The following PFKFB3 variants were observed in gnomAD, a reference collection of about 807,000 sequenced individuals.
PFKFB3 encodes 6-phosphofructo-2-kinase/fructose-2,6-bisphosphatase 3.
A neutral mutation model predicts 68.0 loss-of-function variants in PFKFB3; 33 were observed. That is an observed-to-expected ratio of 0.49 (90% CI 0.37 to 0.65). PFKFB3 has a LOEUF of 0.65. Ranked by LOEUF, PFKFB3 falls within the 30% of genes least tolerant of loss-of-function variation. PFKFB3 has a pLI of 0.00. For synonymous variants in PFKFB3, 315 were observed against 288.2 expected, an observed-to-expected ratio of 1.09 and a Z score of -0.94; for missense variants, 586 against 712.2, an observed-to-expected ratio of 0.82 and a Z score of 2.02.
At chr10:6,265,047 GT>G in the PFKFB3 span, among the ~76,000 whole-genome samples, 1 of 149,424 alleles carries the variant, frequency 6.7e-6, no homozygotes, top group African/African-American at 2.5e-5. Flanking sequence ...ATTTGTGTTA[GT>G]TTTCTTTAAC....
chr10:6,317,625 C>T, the PFKFB3 span, among the ~76,000 whole-genome samples: 3 of 152,084 alleles, frequency 2.0e-5, no homozygotes, highest in African/African-American at 4.8e-5. Context: ...GATGGGCTAT[C>T]GTAGCAGGAA....
chr10:6,145,854 C>CG (rs1588370148), intron 1 of PFKFB3, among the ~76,000 whole-genome samples: 1 of 152,202 alleles, frequency 6.6e-6, no homozygotes, highest in Admixed American at 6.5e-5. Context: ...CTACCCGCAC[C>CG]GGGGGGTCCC....
the PFKFB3 span, among the ~76,000 whole-genome samples, chr10:6,322,979 A>G: frequency 6.6e-6 from 1 of 152,232 alleles, no homozygotes; most frequent in Non-Finnish European, 1.5e-5. Context: ...TTGCATCCCC[A>G]GGACCTAAGA....
At chr10:6,226,056 C>T (rs529607790) in intron 13 of PFKFB3, 136 bp from the exon 14 acceptor site, 75 of 724,334 alleles carry the variant, frequency 1.0e-4, no homozygotes, top group South Asian at 6.8e-4. Flanking sequence ...GTCCCTGGCC[C>T]GTGGTCCCGG....
At chr10:6,194,425 G>C (rs775394312) in intron 1 of PFKFB3, among the ~76,000 whole-genome samples, 15 of 152,184 alleles carry the variant, frequency 9.9e-5, no homozygotes, top group Non-Finnish European at 1.6e-4. Context: ...GTCTAGGAGC[G>C]GGCTCCTTAG....
At chr10:6,261,841 A>G in the PFKFB3 span, among the ~76,000 whole-genome samples, 1 of 152,110 alleles carries the variant, frequency 6.6e-6, no homozygotes, top group Admixed American at 6.5e-5. Context: ...CTAAAAATAC[A>G]AAAATTAGCC....
chr10:6,155,289 G>A (rs866625413), intron 1 of PFKFB3, among the ~76,000 whole-genome samples: 14 of 146,610 alleles, frequency 9.5e-5, no homozygotes, highest in Middle Eastern at 3.6e-3. Context: ...TGCAAGCTCC[G>A]CCTCCCGGGT....
At chr10:6,224,266 TGG>T in intron 13 of PFKFB3, 53 bp downstream of exon 13, 1 of 1,571,894 alleles carries the variant, frequency 6.4e-7, no homozygotes, top group Non-Finnish European at 8.7e-7. Context: ...ATAGCCCTAG[TGG>T]GTGATGGGCG....
At position 6,233,745 on chromosome 10, in the gene PFKFB3, C is replaced by G. The variant is rs1845881107; in HGVS notation, c.*803C>G. The stretch of plus-strand genomic sequence containing the variant: ...AGAAACACTTTCCTGGAGCTGCTGG[C>G]TTTTGCACTTTTTTGATGGCAGAAG... On this transcript the variant is annotated 3_prime_UTR_variant, in exon 15 of 15. Coordinates refer to ENST00000379775, the MANE Select transcript of PFKFB3 (RefSeq NM_004566.4). The G allele has an allele frequency of 6.5e-6, 1 of 152,924 alleles. No individual in the cohort carries two copies. Among genetic ancestry groups the G allele is most frequent in the African/African-American group, 2.4e-5 (1 of 41,480 alleles). The allele number at this position is 152,924 out of a possible 1,614,324, so 9.5% of individuals were successfully genotyped here. A position where few individuals can be genotyped will look rare whatever the true frequency, so the allele number is the denominator to read the frequency against.
intron 1 of PFKFB3, among the ~76,000 whole-genome samples, chr10:6,182,844 G>GGCTGAGCCTCTGCCAGACAGAGC (rs1842757126): frequency 6.6e-6 from 1 of 152,204 alleles, no homozygotes; most frequent in African/African-American, 2.4e-5. Context: ...GAGGGCAGAG[G>GGCTGAGCCTCTGCCAGACAGAGC]GCTGAGCCTC....
rs566846187 is a variant in PFKFB3 at position 6,177,674 on chromosome 10, C to T, written c.16+32661C>T. ...ACAAGTAGCTGGGATTACAGGTGCC[C>T]GCCACCATGCTGAGCTAATTTTGTT... is the stretch of plus-strand genomic sequence containing the variant. On this transcript the variant is annotated intron_variant, in intron 1 of 14. Transcript: ENST00000379789. Among the ~76,000 whole-genome samples the T allele has an allele frequency of 9.9e-5, 15 of 151,326 alleles. No homozygotes were observed. The South Asian group carries it at 1.0e-3, about 11-fold the overall frequency.
chr10:6,173,648 G>C lies in PFKFB3; in HGVS notation c.16+28635G>C, dbSNP rs11257073. 3.4e-3 allele frequency among the ~76,000 whole-genome samples: 520 copies of C among 152,158 alleles called. 1 individual carries two copies. The highest frequency in any genetic ancestry group is 6.0e-3 in the Non-Finnish European group (406 of 68,012). On this transcript the variant is annotated intron_variant, in intron 1 of 14. Transcript: ENST00000379789. Reference sequence around the variant, plus strand: ...AGAGGGAATAGACAGAGGCAAAGGGGGTTTCTGGGTCTCCAGAGATCTGGG... The same window carrying C: ...AGAGGGAATAGACAGAGGCAAAGGGCGTTTCTGGGTCTCCAGAGATCTGGG...
At chr10:6,182,992 C>T (rs920603315) in intron 1 of PFKFB3, among the ~76,000 whole-genome samples, 28 of 152,154 alleles carry the variant, frequency 1.8e-4, no homozygotes, top group African/African-American at 3.6e-4. Context: ...GTGCCCAGCA[C>T]GGTCCCTGGC....
the PFKFB3 span, chr10:6,293,462 C>T: frequency 1.0e-4 from 22 of 215,068 alleles, no homozygotes; most frequent in Non-Finnish European, 1.8e-4. Context: ...TTTCCTGCCT[C>T]AGCCTCCTGA....
chr10:6,219,816 T>C, intron 7 of PFKFB3, 123 bp downstream of exon 7: 1 of 974,240 alleles, frequency 1.0e-6, no homozygotes, highest in Non-Finnish European at 1.5e-6. Context: ...ACAGTTTTTT[T>C]TGTAGAGATG....
chr10:6,187,854 A>G (rs1054499758), intron 1 of PFKFB3, among the ~76,000 whole-genome samples: 4 of 152,106 alleles, frequency 2.6e-5, no homozygotes, highest in Non-Finnish European at 4.4e-5. Flanking sequence ...CTTAATAGAA[A>G]AGTTGCAGAA....
chr10:6,186,694 T>C (rs988763718), intron 1 of PFKFB3, among the ~76,000 whole-genome samples: 7 of 152,154 alleles, frequency 4.6e-5, no homozygotes, highest in African/African-American at 1.7e-4. Flanking sequence ...GATGGGGTCT[T>C]GCTATGCTGC....
chr10:6,196,570 G>A (rs1283292546), intron 1 of PFKFB3, among the ~76,000 whole-genome samples: 1 of 152,176 alleles, frequency 6.6e-6, no homozygotes, highest in African/African-American at 2.4e-5. Context: ...GGAGTCTGAT[G>A]TTTGAGGGCA....
At position 6,203,226 on chromosome 10, in the gene PFKFB3, C is replaced by A; in HGVS notation, c.-35C>A. 1.2e-6 allele frequency: 2 copies of A among 1,600,114 alleles called. No homozygotes were observed. The highest frequency in any genetic ancestry group is 1.7e-6 in the Non-Finnish European group (2 of 1,174,364). ...TCTCCTGCCAGCGTCGGGATCTCGG[C>A]CCCGGGAGGCGGGCCGTCGGGCGCA... On this transcript the variant is annotated 5_prime_UTR_variant, in exon 1 of 15. Transcript: ENST00000379775.
Sources: gnomAD v4.1 joint callset for allele counts (sites outside exome capture counted in the v4.1 genomes callset) on GRCh38, gnomAD v4.1.1 for gene constraint, MANE v1.5 for transcripts, NCBI Gene and HGNC (gene_info 2026-07-23, HGNC 2026-07-21) for gene names.